Variants in MARCHF11 observed in about 807,000 individuals in gnomAD.
The protein encoded by MARCHF11 is membrane associated ring-CH-type finger 11.
In MARCHF11, 29 loss-of-function variants were observed where a neutral mutation model predicts 37.3. The observed-to-expected ratio is 0.78, with a 90% CI of 0.58 to 1.06. MARCHF11 has a LOEUF of 1.06. Among genes scored for constraint, MARCHF11 ranks in the 50% least tolerant of loss-of-function variants. The pLI, the probability that MARCHF11 is intolerant of heterozygous loss-of-function variation, is 0.00. For synonymous variants in MARCHF11, 233 were observed against 228.0 expected (o/e 1.02, Z -0.20); for missense variants, 482 against 533.4 (o/e 0.90, Z 0.95).
Position 16,067,521 on chromosome 5 carries a change from A to G in MARCHF11, c.1159T>C (p.Ser387Pro). 6.2e-7 allele frequency: 1 copy of G among 1,613,910 alleles called. No individual in the cohort carries two copies. The highest frequency in any genetic ancestry group is 1.1e-5 in the South Asian group (1 of 91,074). ...ACCTCCCCCGAGCTGTTATCTTCTG[A>G]TAAGTCTTCATGGGGCCTCATCCGA... Reference protein sequence around the residue: ...FNRMRPHEDLSEDNSSGEVVM... With the variant: ...FNRMRPHEDLPEDNSSGEVVM... Residue 387 changes from serine (S) to proline (P), a missense_variant, in exon 4 of 4, where the codon TCA (serine) becomes CCA (proline). Ser to Pro is a moderately conservative substitution (Grantham distance 74, BLOSUM62 -1). Transcript: ENST00000332432.
intron 2 of MARCHF11, among the ~76,000 whole-genome samples, chr5:16,092,047 TA>T (rs1736797974): frequency 6.6e-6 from 1 of 152,172 alleles, no homozygotes; most frequent in Admixed American, 6.5e-5. Context: ...AACAGTTTTT[TA>T]AATCTTTAAA....
chr5:16,067,413 C>T lies in MARCHF11; in HGVS notation c.*58G>A. 1 of 1,489,232 alleles carries T rather than the reference C, an allele frequency of 6.7e-7. No individual in the cohort carries two copies. Among genetic ancestry groups the T allele is most frequent in the Non-Finnish European group, 9.2e-7 (1 of 1,085,454 alleles). 92.3% of individuals were successfully genotyped at this position (1,489,232 alleles called of 1,614,324 possible). A position where few individuals can be genotyped will look rare whatever the true frequency, so the allele number is the denominator to read the frequency against. ...AGAAGTGCTATGGTTTTGCCATTCA[C>T]TGCAATTACATTGCAAAATGTGCAG... On this transcript the variant is annotated 3_prime_UTR_variant, in exon 4 of 4. Coordinates refer to ENST00000332432, the MANE Select transcript of MARCHF11 (RefSeq NM_001102562.3).
Position 16,090,962 on chromosome 5 carries a change from T to C in MARCHF11, c.813A>G (p.Ala271=). 1 of 1,611,872 alleles carries C rather than the reference T, an allele frequency of 6.2e-7. No individual in the cohort carries two copies. Among genetic ancestry groups the C allele is most frequent in the Non-Finnish European group, 8.5e-7 (1 of 1,179,520 alleles). Residue 271 remains alanine, a synonymous_variant, in exon 3 of 4, where the codon GCA becomes GCG. Coordinates refer to ENST00000332432, the MANE Select transcript of MARCHF11 (RefSeq NM_001102562.3). Reference sequence around the variant, plus strand: ...AAAGGATGTCCTTCCTCTGCCACACTGCATAGGGGCTGAAGGCTGACCAGA... The same window carrying C: ...AAAGGATGTCCTTCCTCTGCCACACCGCATAGGGGCTGAAGGCTGACCAGA... ...WLLWSAFSPY[A]VWQRKDILFQ...
chr5:16,138,315 C>T (rs891686364), intron 2 of MARCHF11, among the ~76,000 whole-genome samples: 6 of 152,186 alleles, frequency 3.9e-5, no homozygotes, highest in Non-Finnish European at 8.8e-5. Context: ...CAGTCCATTG[C>T]TTCAAATGGT....
chr5:16,134,288 G>A lies in MARCHF11; in HGVS notation c.694-43207C>T, dbSNP rs114286274. ...GAAATGTAATACAATCATGTGGGAC[G>A]TGGGACCTAATGGGGAAGGTTTAGG... On this transcript the variant is annotated intron_variant, in intron 2 of 3. Coordinates refer to ENST00000332432, the MANE Select transcript of MARCHF11 (RefSeq NM_001102562.3). 5.0e-3 allele frequency among the ~76,000 whole-genome samples: 762 copies of A among 152,214 alleles called. 7 individuals carry two copies. Among genetic ancestry groups the A allele is most frequent in the African/African-American group, 0.017 (708 of 41,534 alleles).
At chr5:16,148,350 C>A (rs993957357) in intron 2 of MARCHF11, among the ~76,000 whole-genome samples, 7 of 152,034 alleles carry the variant, frequency 4.6e-5, no homozygotes, top group Non-Finnish European at 1.0e-4. Flanking sequence ...AGAAATTAAC[C>A]AAATTCAGTG....
chr5:16,068,382 T>C (rs1221411147), intron 3 of MARCHF11, among the ~76,000 whole-genome samples: 1 of 152,200 alleles, frequency 6.6e-6, no homozygotes. Flanking sequence ...GTAGTACTCA[T>C]CGTAGTCTTA....
chr5:16,146,181 T>A (rs974814849), intron 2 of MARCHF11, among the ~76,000 whole-genome samples: 3 of 152,224 alleles, frequency 2.0e-5, no homozygotes, highest in Admixed American at 6.5e-5. Flanking sequence ...TGAATCTCCC[T>A]GTCCAAATGT....
chr5:16,148,330 G>C (rs756605482), intron 2 of MARCHF11, among the ~76,000 whole-genome samples: 13 of 152,044 alleles, frequency 8.6e-5, no homozygotes, highest in Admixed American at 2.0e-4. Flanking sequence ...CCTACTTTTA[G>C]ATACCCCTTA....
At position 16,067,168 on chromosome 5, in the gene MARCHF11, A is replaced by T; in HGVS notation, c.*303T>A. On this transcript the variant is annotated 3_prime_UTR_variant, in exon 4 of 4. Coordinates refer to ENST00000332432, the MANE Select transcript of MARCHF11 (RefSeq NM_001102562.3). The stretch of plus-strand genomic sequence containing the variant: ...CTTTCATAAAAATATATTTAAAACA[A>T]GCAAGAAAAAATAGTTTTGGCCTTA... The T allele has an allele frequency of 3.9e-6, 1 of 258,456 alleles. No individual in the cohort carries two copies. Among genetic ancestry groups the T allele is most frequent in the Non-Finnish European group, 7.3e-6 (1 of 136,340 alleles). 16.0% of individuals were successfully genotyped at this position (258,456 alleles called of 1,614,324 possible).
intron 2 of MARCHF11, among the ~76,000 whole-genome samples, chr5:16,173,869 AGAC>A (rs1399612195): frequency 6.6e-6 from 1 of 152,206 alleles, no homozygotes; most frequent in African/African-American, 2.4e-5. Flanking sequence ...ATAAGGTATA[AGAC>A]AGGTAGCATT....
intron 3 of MARCHF11, among the ~76,000 whole-genome samples, chr5:16,077,933 C>G (rs1297625283): frequency 6.6e-6 from 1 of 152,168 alleles, no homozygotes; most frequent in Non-Finnish European, 1.5e-5. Flanking sequence ...TTTGGGCTTT[C>G]AAGGAAAATG....
Position 16,179,474 on chromosome 5 carries a change from C to T in MARCHF11, c.102G>A (p.Pro34=). ...GGACCGGGGCCGGCTCTCCCGGCGG[C>T]GGCGTCGGCGGCGGCGGCGGGGGAG... The part of the protein sequence containing the change: ...PQPPPPPPPT[P]PPGEPAPVPA... The change falls in exon 1 of 4, where the codon CCG becomes CCA. Residue 34 remains proline (P), a synonymous_variant. Coordinates refer to ENST00000332432, the MANE Select transcript of MARCHF11 (RefSeq NM_001102562.3). The T allele has an allele frequency of 9.7e-6, 11 of 1,134,798 alleles. No homozygotes were observed. The highest frequency in any genetic ancestry group is 1.7e-5 in the African/African-American group (1 of 60,336). 70.3% of individuals were successfully genotyped at this position (1,134,798 alleles called of 1,614,324 possible). A position where few individuals can be genotyped will look rare whatever the true frequency, so the allele number is the denominator to read the frequency against.
chr5:16,151,957 AT>A (rs1305185136), intron 2 of MARCHF11, among the ~76,000 whole-genome samples: 2 of 151,882 alleles, frequency 1.3e-5, no homozygotes, highest in African/African-American at 4.8e-5. Flanking sequence ...ACTTATACCC[AT>A]TTTTTTGGTC....
intron 2 of MARCHF11, among the ~76,000 whole-genome samples, chr5:16,127,833 G>A (rs1009753965): frequency 5.3e-5 from 8 of 152,252 alleles, no homozygotes; most frequent in Middle Eastern, 3.4e-3. Context: ...GGATCTGCCC[G>A]CCCCTCTGGC....
At chr5:16,125,780 G>A (rs1454679879) in intron 2 of MARCHF11, among the ~76,000 whole-genome samples, 6 of 152,062 alleles carry the variant, frequency 3.9e-5, no homozygotes, top group Admixed American at 2.6e-4. Flanking sequence ...ATGAAGGAAA[G>A]AAAAGCTACA....
chr5:16,147,849 C>G (rs1298841637), intron 2 of MARCHF11, among the ~76,000 whole-genome samples: 1 of 152,150 alleles, frequency 6.6e-6, no homozygotes, highest in Non-Finnish European at 1.5e-5. Flanking sequence ...AGACAGAAAA[C>G]ATAATTCATC....
chr5:16,176,273 T>G (rs1738361515), intron 2 of MARCHF11, among the ~76,000 whole-genome samples: 1 of 152,200 alleles, frequency 6.6e-6, no homozygotes, highest in Admixed American at 6.5e-5. Flanking sequence ...GCTCTTCTCA[T>G]GGAACTTTTC....
chr5:16,072,918 G>T (rs1736462526), intron 3 of MARCHF11, among the ~76,000 whole-genome samples: 2 of 152,156 alleles, frequency 1.3e-5, no homozygotes, highest in Non-Finnish European at 2.9e-5. Context: ...AATAATGTCA[G>T]TGACACACAA....
Sources: allele counts gnomAD v4.1 joint callset (sites outside exome capture counted in the v4.1 genomes callset), GRCh38; gene constraint gnomAD v4.1.1; transcripts MANE v1.5; gene names NCBI Gene and HGNC (gene_info 2026-07-23, HGNC 2026-07-21).